The following RIT2 variants were observed in gnomAD, a reference collection of about 807,000 sequenced individuals.
The protein encoded by RIT2 is GTP-binding protein Rit2.
Under a neutral mutation model 23.7 loss-of-function variants are expected in RIT2, and 24 were observed. That is an observed-to-expected ratio of 1.01 (90% CI 0.73 to 1.43). The LOEUF (loss-of-function observed/expected upper bound fraction) is 1.43, where lower values mean the gene tolerates loss of function less well. Among genes scored for constraint, RIT2 ranks in the 40% most tolerant of loss-of-function variants. The pLI is 0.00. For missense variants in RIT2, 236 were observed against 266.9 expected (o/e 0.88, Z 0.81); for synonymous variants, 107 against 91.1 (o/e 1.17, Z -0.99).
intron 4 of RIT2, among the ~76,000 whole-genome samples, chr18:42,802,258 G>C (rs1426157313): frequency 3.3e-5 from 5 of 152,110 alleles, no homozygotes; most frequent in Non-Finnish European, 7.4e-5. Context: ...ATTTTTATCT[G>C]TAAACCAGTT....
At chr18:42,995,721 C>T (rs566707945) in intron 2 of RIT2, among the ~76,000 whole-genome samples, 1 of 152,326 alleles carries the variant, frequency 6.6e-6, no homozygotes, top group African/African-American at 2.4e-5. Flanking sequence ...GAATTCAGTC[C>T]TGTCCTTGGA....
At chr18:43,026,580 G>GAAAGAAAGAAAGAAAT (rs1190555928) in intron 2 of RIT2, among the ~76,000 whole-genome samples, 1,129 of 63,870 alleles carry the variant, frequency 0.018, 20 homozygotes, top group South Asian at 0.078. Flanking sequence ...AAATAAGAAA[G>GAAAGAAAGAAAGAAAT]AAAGAAAGAA....
At chr18:42,840,748 G>A (rs1460030979) in intron 4 of RIT2, among the ~76,000 whole-genome samples, 1 of 152,138 alleles carries the variant, frequency 6.6e-6, no homozygotes, top group Non-Finnish European at 1.5e-5. Context: ...TGATCCACCC[G>A]CCTTGGCCTC....
At chr18:43,106,576 T>A (rs1913827906) in intron 1 of RIT2, among the ~76,000 whole-genome samples, 1 of 152,302 alleles carries the variant, frequency 6.6e-6, no homozygotes, top group East Asian at 1.9e-4. Context: ...AAATATAGTT[T>A]TCTCTCTGAT....
chr18:42,848,300 T>C (rs1430261888), intron 4 of RIT2, among the ~76,000 whole-genome samples: 2 of 152,146 alleles, frequency 1.3e-5, no homozygotes, highest in Non-Finnish European at 2.9e-5. Flanking sequence ...AAACACAACC[T>C]ATTACAAGGC....
At chr18:43,061,360 A>C (rs536261204) in intron 1 of RIT2, among the ~76,000 whole-genome samples, 1 of 152,134 alleles carries the variant, frequency 6.6e-6, no homozygotes, top group African/African-American at 2.4e-5. Flanking sequence ...ATTCACAGAA[A>C]GCTCAGGGCC....
intron 4 of RIT2, among the ~76,000 whole-genome samples, chr18:42,853,302 A>C (rs1228394057): frequency 1.3e-5 from 2 of 152,224 alleles, no homozygotes; most frequent in Non-Finnish European, 2.9e-5. Context: ...TACAATTGAC[A>C]CTGCACAATT....
chr18:42,848,094 G>C (rs1229624036), intron 4 of RIT2, among the ~76,000 whole-genome samples: 1 of 151,918 alleles, frequency 6.6e-6, no homozygotes, highest in South Asian at 2.1e-4. Flanking sequence ...TCTGGGAGCT[G>C]TCTAGCCAAG....
chr18:42,776,223 A>G (rs931205547), intron 4 of RIT2, among the ~76,000 whole-genome samples: 1 of 152,234 alleles, frequency 6.6e-6, no homozygotes, highest in Non-Finnish European at 1.5e-5. Context: ...TCAAAAGAGC[A>G]AAGACACCTG....
intron 1 of RIT2, among the ~76,000 whole-genome samples, chr18:43,112,861 C>T (rs1913986121): frequency 6.6e-6 from 1 of 152,148 alleles, no homozygotes. Context: ...GGACTTGACT[C>T]TCAGAATTGG....
chr18:42,874,036 C>T (rs916214955), intron 4 of RIT2, among the ~76,000 whole-genome samples: 1 of 152,104 alleles, frequency 6.6e-6, no homozygotes, highest in Non-Finnish European at 1.5e-5. Flanking sequence ...TCCATCACAA[C>T]ATCATTCCAC....
chr18:43,061,613 T>G (rs1390313943), intron 1 of RIT2, among the ~76,000 whole-genome samples: 6 of 152,104 alleles, frequency 3.9e-5, no homozygotes, highest in Non-Finnish European at 7.4e-5. Flanking sequence ...TCTTTCTCGA[T>G]TAGTTCCTTC....
intron 4 of RIT2, among the ~76,000 whole-genome samples, chr18:42,744,537 G>T (rs555913699): frequency 1.2e-3 from 182 of 152,050 alleles, no homozygotes; most frequent in African/African-American, 3.1e-3. Flanking sequence ...CAGTTCAACT[G>T]CATTTTAGCT....
intron 1 of RIT2, among the ~76,000 whole-genome samples, chr18:43,099,911 C>G (rs577966941): frequency 6.6e-6 from 1 of 152,218 alleles, no homozygotes; most frequent in African/African-American, 2.4e-5. Flanking sequence ...AGCCCTGAAT[C>G]TCACAACCCA....
intron 4 of RIT2, among the ~76,000 whole-genome samples, chr18:42,844,737 C>A (rs1906861698): frequency 6.6e-6 from 1 of 151,914 alleles, no homozygotes; most frequent in Non-Finnish European, 1.5e-5. Context: ...CAGAAAGAAC[C>A]AATCAGGAGA....
intron 2 of RIT2, among the ~76,000 whole-genome samples, chr18:42,994,980 T>C (rs975897975): frequency 6.6e-6 from 1 of 152,008 alleles, no homozygotes; most frequent in African/African-American, 2.4e-5. Context: ...ACACCTGACC[T>C]GGATACTACA....
Position 42,842,355 on chromosome 18 carries a change from T to C in RIT2, c.426+81217A>G, listed in dbSNP as rs546086781. On this transcript the variant is annotated intron_variant, in intron 4 of 4. Transcript: ENST00000326695. ...ATGTCTGTCATTTTTTAACAAAATG[T>C]ATAAATTACCTGGTCAGAAATAGAT... 3.9e-5 allele frequency among the ~76,000 whole-genome samples: 6 copies of C among 152,318 alleles called. No homozygotes were observed. The South Asian group carries it at 8.3e-4, about 21-fold the overall frequency.
At chr18:42,846,870 T>C (rs1185420266) in intron 4 of RIT2, among the ~76,000 whole-genome samples, 4 of 152,142 alleles carry the variant, frequency 2.6e-5, no homozygotes, top group African/African-American at 9.6e-5. Context: ...TAGGAAAATG[T>C]CATGAATAGC....
At chr18:42,773,637 T>A (rs528500478) in intron 4 of RIT2, among the ~76,000 whole-genome samples, 2 of 152,178 alleles carry the variant, frequency 1.3e-5, no homozygotes, top group Non-Finnish European at 2.9e-5. Flanking sequence ...GAGTGTATAT[T>A]TTAGTACTGA....
Sources: allele counts gnomAD v4.1 joint callset (sites outside exome capture counted in the v4.1 genomes callset), GRCh38; gene constraint gnomAD v4.1.1; transcripts MANE v1.5; gene names NCBI Gene and HGNC (gene_info 2026-07-23, HGNC 2026-07-21).